The following PRMT9 variants were observed in gnomAD, a reference collection of about 807,000 sequenced individuals.
The protein encoded by PRMT9 is protein arginine N-methyltransferase 9.
A neutral mutation model predicts 83.2 loss-of-function variants in PRMT9; 59 were observed. That is an observed-to-expected ratio of 0.71 (90% CI 0.57 to 0.88). The LOEUF is 0.88. Ranked by LOEUF, PRMT9 falls within the 40% of genes least tolerant of loss-of-function variation. The pLI, the probability that PRMT9 is intolerant of heterozygous loss-of-function variation, is 0.00. For synonymous variants in PRMT9, 333 were observed against 353.2 expected (o/e 0.94, Z 0.64); for missense variants, 947 against 1,021.9 (o/e 0.93, Z 1.00).
chr4:147,666,841 A>G (rs1277019209), intron 6 of PRMT9, among the ~76,000 whole-genome samples: 1 of 151,494 alleles, frequency 6.6e-6, no homozygotes, highest in Non-Finnish European at 1.5e-5. Context: ...AAAAAAAAAA[A>G]AAAAGATATT....
At position 147,639,401 on chromosome 4, in the gene PRMT9, CA is replaced by C. The variant is rs1733232422; in HGVS notation, c.2200-320del. 1.4e-5 allele frequency: 4 copies of C among 281,904 alleles called. No individual in the cohort carries two copies. In the South Asian group the frequency reaches 1.7e-4, roughly 12 times the overall value. The allele number at this position is 281,904 out of a possible 1,614,324, so 17.5% of individuals were successfully genotyped here. ...AGATTAAATTTTTTCTTAAGCCAAACAGCTCTAAAATTTTTAACCCAAGGAT... is the reference window on the plus strand; with the variant it reads ...AGATTAAATTTTTTCTTAAGCCAAACGCTCTAAAATTTTTAACCCAAGGAT... On this transcript the variant is annotated intron_variant, in intron 10 of 11. Coordinates refer to ENST00000322396, the MANE Select transcript of PRMT9 (RefSeq NM_138364.4).
chr4:147,642,640 CTTA>C (rs1378880958), intron 10 of PRMT9, 144 bp downstream of exon 10: 8 of 726,140 alleles, frequency 1.1e-5, no homozygotes, highest in South Asian at 1.5e-5. Context: ...GTTCTAGGAA[CTTA>C]TTATAGGTAA....
intron 9 of PRMT9, 136 bp from the exon 10 acceptor site, chr4:147,643,076 A>G: frequency 1.4e-6 from 1 of 720,386 alleles, no homozygotes; most frequent in South Asian, 1.5e-5. Context: ...CCTGGGCAAC[A>G]TGGCGAAACC....
At chr4:147,661,457 A>AG (rs35676477) in intron 6 of PRMT9, 12 of 162,428 alleles carry the variant, frequency 7.4e-5, no homozygotes, top group Non-Finnish European at 1.5e-4. Flanking sequence ...ACATGAGAAA[A>AG]GGTGCTCAGC....
At chr4:147,668,680 A>C in intron 5 of PRMT9, 35 bp from the exon 6 acceptor site, 1 of 1,216,982 alleles carries the variant, frequency 8.2e-7, no homozygotes, top group Non-Finnish European at 1.2e-6. Flanking sequence ...ATGTTATCAC[A>C]TGTATGTAAA....
intron 4 of PRMT9, chr4:147,672,033 T>C: frequency 2.7e-6 from 1 of 374,418 alleles, no homozygotes; most frequent in Non-Finnish European, 5.2e-6. Context: ...TAAATGCCTA[T>C]TGTTAAAGCT....
chr4:147,658,592 TA>T (rs2126604651), intron 7 of PRMT9, among the ~76,000 whole-genome samples: 1 of 152,308 alleles, frequency 6.6e-6, no homozygotes, highest in Non-Finnish European at 1.5e-5. Flanking sequence ...ATTAAAATTT[TA>T]AAAAGCCTTA....
chr4:147,655,927 G>A (rs1734456061), intron 8 of PRMT9, among the ~76,000 whole-genome samples: 1 of 152,158 alleles, frequency 6.6e-6, no homozygotes. Flanking sequence ...AGGTATAAGA[G>A]AGTTAGAATA....
intron 4 of PRMT9, 144 bp downstream of exon 4, chr4:147,672,815 T>G: frequency 7.4e-5 from 29 of 393,374 alleles, no homozygotes; most frequent in Middle Eastern, 7.0e-4. Flanking sequence ...AAATATGTCT[T>G]ATAATAAACT....
chr4:147,644,945 C>A (rs945499023), intron 9 of PRMT9, among the ~76,000 whole-genome samples: 4 of 152,142 alleles, frequency 2.6e-5, no homozygotes, highest in African/African-American at 9.7e-5. Context: ...ACTGAATATT[C>A]CAAGCTTGTT....
chr4:147,659,309 G>A (rs1734770685), intron 7 of PRMT9, among the ~76,000 whole-genome samples: 1 of 151,592 alleles, frequency 6.6e-6, no homozygotes, highest in East Asian at 2.0e-4. Flanking sequence ...GCTGAAGCAG[G>A]AGAATCACTT....
At chr4:147,683,709 T>A in intron 1 of PRMT9, 90 bp downstream of exon 1, 3 of 1,336,082 alleles carry the variant, frequency 2.2e-6, no homozygotes, top group African/African-American at 1.5e-5. Flanking sequence ...CCAGGCACCC[T>A]AGCCCCTCCG....
At chr4:147,656,295 G>A (rs1229673174) in intron 8 of PRMT9, among the ~76,000 whole-genome samples, 1 of 152,050 alleles carries the variant, frequency 6.6e-6, no homozygotes, top group Non-Finnish European at 1.5e-5. Context: ...TTTTCTGTGT[G>A]TGTGCGTGTG....
In PRMT9 at chr4:147,673,004, TG is replaced by T. The variant is rs1735832021; in HGVS notation, c.697del (p.His233IlefsTer7). 1 of 1,613,918 alleles carries T rather than the reference TG, an allele frequency of 6.2e-7. No individual in the cohort carries two copies. Among genetic ancestry groups the T allele is most frequent in the African/African-American group, 1.3e-5 (1 of 74,936 alleles). On this transcript the variant is annotated frameshift_variant, in exon 4 of 12. Transcript: ENST00000322396. LOFTEE classifies it high-confidence loss of function. ...AATCTCTATGTCAAGTGACTTCGTA[TG>T]TAAGAGTTTGATCCCTGCTTCCATC... Reference protein sequence around the residue: ...NKMEAGIKLLHTKSLDIEIPK... With the variant: ...NKMEAGIKLLXTKSLDIEIPK...
Position 147,668,604 on chromosome 4 carries a change from A to C in PRMT9, c.888T>G (p.Val296=). The stretch of plus-strand genomic sequence containing the variant: ...CAAATATAACAGCACTTGCTGGTAT[A>C]ACTTTCCCATACTTTTCACAATTAG... ...ESANCEKYGK[V]IPASAVIFGM... is the part of the protein sequence containing the mutation. The change falls in exon 6 of 12, where the codon GTT becomes GTG. Residue 296 remains valine, a synonymous_variant. Coordinates refer to ENST00000322396, the MANE Select transcript of PRMT9 (RefSeq NM_138364.4). The C allele has an allele frequency of 6.2e-7, 1 of 1,612,676 alleles. No homozygotes were observed. Among genetic ancestry groups the C allele is most frequent in the Non-Finnish European group, 8.5e-7 (1 of 1,179,058 alleles).
At position 147,642,929 on chromosome 4, in the gene PRMT9, T is replaced by G; in HGVS notation, c.2057A>C (p.Gln686Pro). Residue 686 changes from glutamine to proline, a missense_variant, in exon 10 of 12, where the codon CAA (glutamine) becomes CCA (proline). Gln to Pro is a moderately conservative substitution (Grantham distance 76). Transcript: ENST00000322396. ...CTGAGGAAAGATCTTGCCTCCAGAT[T>G]GTAGTAAACACCTAAGAAAAAAAGT... Reference protein sequence around the residue: ...EKAAISRCLLQSGGKIFPQYV... With the variant: ...EKAAISRCLLPSGGKIFPQYV... The G allele has an allele frequency of 6.2e-7, 1 of 1,614,074 alleles. No homozygotes were observed. Among genetic ancestry groups the G allele is most frequent in the South Asian group, 1.1e-5 (1 of 91,082 alleles).
Position 147,668,566 on chromosome 4 carries a change from T to A in PRMT9, c.926A>T (p.Glu309Val). The part of the protein sequence containing the change: ...ASAVIFGMAV[E>V]CAEIRRHHRV... The stretch of plus-strand genomic sequence containing the variant: ...ATGATGTCTTCTTATCTCTGCACAT[T>A]CTACTGCCATCCCAAATATAACAGC... The change falls in exon 6 of 12, where the codon GAA becomes GTA. Residue 309 changes from glutamate to valine, a missense_variant. Physicochemically the swap from Glu to Val is moderately radical, Grantham distance 121 (BLOSUM62 -2). Transcript: ENST00000322396. 1.9e-6 allele frequency: 3 copies of A among 1,608,684 alleles called. No individual in the cohort carries two copies. The highest frequency in any genetic ancestry group is 2.6e-6 in the Non-Finnish European group (3 of 1,175,828).
Position 147,673,076 on chromosome 4 carries a change from GATAAC to G in PRMT9, c.621_625del (p.Glu207AspfsTer6). ...ACAGGCAAGTTCATACATGGTCTTG[GATAAC>G]TCACAGGCATACACGGAATGTGCTC... On this transcript the variant is annotated frameshift_variant, in exon 4 of 12. Transcript: ENST00000322396. LOFTEE classifies it high-confidence loss of function. 2 of 1,613,888 alleles carry G rather than the reference GATAAC, an allele frequency of 1.2e-6. No homozygotes were observed.
At chr4:147,651,563 G>A (rs1366824707) in intron 9 of PRMT9, among the ~76,000 whole-genome samples, 2 of 152,048 alleles carry the variant, frequency 1.3e-5, no homozygotes, top group African/African-American at 4.8e-5. Context: ...TTAAAAAATG[G>A]GCAAGACTTG....
Sources: gnomAD v4.1 joint callset for allele counts (sites outside exome capture counted in the v4.1 genomes callset) on GRCh38, gnomAD v4.1.1 for gene constraint, MANE v1.5 for transcripts, NCBI Gene and HGNC (gene_info 2026-07-23, HGNC 2026-07-21) for gene names.